PTPRD: variants seen among roughly 807,000 people sequenced by gnomAD.
The protein encoded by PTPRD is protein tyrosine phosphatase receptor type D.
In PTPRD, 34 loss-of-function variants were observed where a neutral mutation model predicts 214.5. The observed-to-expected ratio is 0.16, with a 90% CI of 0.12 to 0.21. PTPRD has a LOEUF of 0.21. Ranked by LOEUF, PTPRD falls within the 10% of genes least tolerant of loss-of-function variation. The probability of loss-of-function intolerance (pLI) is 1.00; values close to 1 mark genes in which losing one functional copy is unlikely to be tolerated. For missense variants in PTPRD, 2,545 were observed against 2,398.7 expected, an observed-to-expected ratio of 1.06 and a Z score of -1.27; for synonymous variants, 1,128 against 845.7, an observed-to-expected ratio of 1.33 and a Z score of -5.79.
intron 5 of PTPRD, among the ~76,000 whole-genome samples, chr9:9,834,485 T>G (rs990442669): frequency 1.3e-5 from 2 of 152,014 alleles, no homozygotes; most frequent in Non-Finnish European, 2.9e-5. Context: ...TGCCTCATAA[T>G]CAGCCCAGTG....
intron 3 of PTPRD, among the ~76,000 whole-genome samples, chr9:10,089,177 G>C (rs1013228667): frequency 1.3e-5 from 2 of 150,536 alleles, no homozygotes; most frequent in African/African-American, 4.9e-5. Context: ...AAGCATCACA[G>C]CCTGGGTGAC....
At chr9:8,608,303 G>A (rs1383714574) in intron 14 of PTPRD, among the ~76,000 whole-genome samples, 4 of 151,986 alleles carry the variant, frequency 2.6e-5, no homozygotes, top group Non-Finnish European at 2.9e-5. Context: ...GATGAAAAAC[G>A]GCACATTATA....
chr9:8,489,031 T>C (rs986427017), intron 27 of PTPRD, among the ~76,000 whole-genome samples: 10 of 152,184 alleles, frequency 6.6e-5, no homozygotes, highest in Non-Finnish European at 1.3e-4. Flanking sequence ...CTAGGATAAA[T>C]AAAAATAATT....
intron 9 of PTPRD, among the ~76,000 whole-genome samples, chr9:9,238,206 A>G (rs2099968210): frequency 6.6e-6 from 1 of 152,000 alleles, no homozygotes; most frequent in East Asian, 1.9e-4. Context: ...AGAGTCATGA[A>G]TAAGTTTCTC....
At chr9:9,034,343 G>C (rs1273560842) in intron 10 of PTPRD, among the ~76,000 whole-genome samples, 1 of 152,108 alleles carries the variant, frequency 6.6e-6, no homozygotes, top group African/African-American at 2.4e-5. Flanking sequence ...TGGAGTCCCA[G>C]CTCTTCCACT....
chr9:10,322,082 C>A (rs1415349326), intron 3 of PTPRD, among the ~76,000 whole-genome samples: 3 of 151,950 alleles, frequency 2.0e-5, no homozygotes, highest in Non-Finnish European at 2.9e-5. Context: ...TCTGAACCAT[C>A]CGCATGAGGG....
At chr9:9,141,648 T>C (rs983484523) in intron 10 of PTPRD, among the ~76,000 whole-genome samples, 2 of 151,364 alleles carry the variant, frequency 1.3e-5, no homozygotes, top group Non-Finnish European at 2.9e-5. Flanking sequence ...GAAGAATCCC[T>C]TTCACACCAA....
At chr9:8,995,941 A>G (rs1386027433) in intron 11 of PTPRD, among the ~76,000 whole-genome samples, 1 of 152,230 alleles carries the variant, frequency 6.6e-6, no homozygotes, top group African/African-American at 2.4e-5. Flanking sequence ...GTAGCAATTA[A>G]TAAATGATCA....
intron 10 of PTPRD, among the ~76,000 whole-genome samples, chr9:9,074,425 A>G (rs1442418071): frequency 1.3e-5 from 2 of 152,150 alleles, no homozygotes; most frequent in East Asian, 3.9e-4. Context: ...CAGATTTTCA[A>G]CATTTAGCAG....
intron 11 of PTPRD, among the ~76,000 whole-genome samples, chr9:8,847,657 G>C (rs969153619): frequency 4.6e-5 from 7 of 151,972 alleles, no homozygotes; most frequent in African/African-American, 1.7e-4. Flanking sequence ...ACAAATATAA[G>C]ATCCTGTATT....
intron 3 of PTPRD, among the ~76,000 whole-genome samples, chr9:10,098,856 G>A (rs934885752): frequency 4.0e-5 from 6 of 151,830 alleles, no homozygotes; most frequent in African/African-American, 9.6e-5. Flanking sequence ...CTGTTCATAT[G>A]ATTAAAGATC....
intron 2 of PTPRD, among the ~76,000 whole-genome samples, chr9:10,374,188 G>C (rs1487673716): frequency 6.6e-6 from 1 of 151,934 alleles, no homozygotes; most frequent in Non-Finnish European, 1.5e-5. Context: ...TCCCTTTCTG[G>C]TCATCAAAAT....
intron 3 of PTPRD, among the ~76,000 whole-genome samples, chr9:10,062,465 G>T (rs1590058360): frequency 6.6e-6 from 1 of 152,134 alleles, no homozygotes; most frequent in African/African-American, 2.4e-5. Flanking sequence ...AAATAGCTGG[G>T]CGTGGTGGCA....
At chr9:9,016,825 C>T (rs1363504264) in intron 11 of PTPRD, among the ~76,000 whole-genome samples, 5 of 152,242 alleles carry the variant, frequency 3.3e-5, no homozygotes, top group Non-Finnish European at 4.4e-5. Flanking sequence ...AGAATGACAA[C>T]TTGCTCAAAT....
intron 11 of PTPRD, among the ~76,000 whole-genome samples, chr9:8,834,295 C>T (rs1025769358): frequency 3.9e-5 from 6 of 151,946 alleles, no homozygotes; most frequent in African/African-American, 1.4e-4. Flanking sequence ...GTATTAAAAA[C>T]TGGTTTTATT....
intron 11 of PTPRD, among the ~76,000 whole-genome samples, chr9:8,903,387 C>G (rs910350673): frequency 6.6e-6 from 1 of 152,160 alleles, no homozygotes; most frequent in African/African-American, 2.4e-5. Flanking sequence ...GTGAAGCCAA[C>G]TTTTAGTCAT....
intron 11 of PTPRD, among the ~76,000 whole-genome samples, chr9:8,901,068 T>C (rs2098664943): frequency 6.6e-6 from 1 of 152,130 alleles, no homozygotes; most frequent in Non-Finnish European, 1.5e-5. Context: ...TCAGGACACA[T>C]GCAAGAAGGG....
intron 11 of PTPRD, among the ~76,000 whole-genome samples, chr9:8,892,557 GTA>G (rs1159821328): frequency 6.8e-6 from 1 of 147,576 alleles, no homozygotes; most frequent in South Asian, 2.1e-4. Flanking sequence ...ATATATGTGT[GTA>G]TATATGTGTG....
At chr9:9,878,285 G>C (rs2067512812) in intron 5 of PTPRD, among the ~76,000 whole-genome samples, 1 of 152,140 alleles carries the variant, frequency 6.6e-6, no homozygotes, top group African/African-American at 2.4e-5. Flanking sequence ...CATCATGCTA[G>C]ATATTATATG....
Sources: gnomAD v4.1 joint callset for allele counts (sites outside exome capture counted in the v4.1 genomes callset) on GRCh38, gnomAD v4.1.1 for gene constraint, MANE v1.5 for transcripts, NCBI Gene and HGNC (gene_info 2026-07-23, HGNC 2026-07-21) for gene names.